Variants in KCNQ3 observed in about 807,000 individuals in gnomAD.
KCNQ3 encodes potassium voltage-gated channel subfamily KQT member 3.
Under a neutral mutation model 92.5 loss-of-function variants are expected in KCNQ3, and 30 were observed. That is an observed-to-expected ratio of 0.32 (90% CI 0.24 to 0.44). The LOEUF (loss-of-function observed/expected upper bound fraction) is 0.44. Ranked by LOEUF, KCNQ3 falls within the 20% of genes least tolerant of loss-of-function variation. The pLI is 1.00. For synonymous variants in KCNQ3, 450 were observed against 468.8 expected, an observed-to-expected ratio of 0.96 and a Z score of 0.52; for missense variants, 913 against 1,140.3, an observed-to-expected ratio of 0.80 and a Z score of 2.87.
At chr8:132,135,831 G>C (rs1260692346) in intron 12 of KCNQ3, among the ~76,000 whole-genome samples, 1 of 152,034 alleles carries the variant, frequency 6.6e-6, no homozygotes, top group African/African-American at 2.4e-5. Flanking sequence ...ATTCCAGTTA[G>C]GGATAAAGAA....
chr8:132,263,092 G>A (rs1815847368), intron 1 of KCNQ3, among the ~76,000 whole-genome samples: 1 of 151,960 alleles, frequency 6.6e-6, no homozygotes, highest in Non-Finnish European at 1.5e-5. Context: ...CTCTGTAACT[G>A]TCTCCCACTG....
chr8:132,224,855 GGAA>G (rs1814359109), intron 1 of KCNQ3, among the ~76,000 whole-genome samples: 1 of 152,110 alleles, frequency 6.6e-6, no homozygotes, highest in African/African-American at 2.4e-5. Flanking sequence ...TCAACTAATT[GGAA>G]GAAGAAGGGA....
intron 1 of KCNQ3, among the ~76,000 whole-genome samples, chr8:132,328,288 GACA>G (rs1223480627): frequency 6.6e-6 from 1 of 152,176 alleles, no homozygotes; most frequent in Non-Finnish European, 1.5e-5. Flanking sequence ...TGCTGCAGGG[GACA>G]ACAACACCCC....
chr8:132,387,993 G>GGAAGAA (rs969706153), intron 1 of KCNQ3, among the ~76,000 whole-genome samples: 3 of 111,134 alleles, frequency 2.7e-5, no homozygotes, highest in Non-Finnish European at 5.6e-5. Context: ...AAGAGGAAGA[G>GGAAGAA]GAAGAAGAAG....
At chr8:132,434,316 T>C (rs1241462513) in intron 1 of KCNQ3, among the ~76,000 whole-genome samples, 1 of 152,196 alleles carries the variant, frequency 6.6e-6, no homozygotes, top group East Asian at 1.9e-4. Context: ...CTCCTCTGTT[T>C]TTCTTTGTAG....
chr8:132,450,559 A>C (rs1331897360), intron 1 of KCNQ3, among the ~76,000 whole-genome samples: 1 of 152,186 alleles, frequency 6.6e-6, no homozygotes, highest in East Asian at 1.9e-4. Context: ...TGATTAAATC[A>C]ATTTTGCAAT....
At chr8:132,172,382 G>GCCTGGGCA (rs1826396490) in intron 7 of KCNQ3, among the ~76,000 whole-genome samples, 1 of 143,118 alleles carries the variant, frequency 7.0e-6, no homozygotes, top group Non-Finnish European at 1.6e-5. Context: ...GCCTGCTCCT[G>GCCTGGGCA]CCTGGGCACA....
At chr8:132,279,288 G>A (rs1586890303) in intron 1 of KCNQ3, among the ~76,000 whole-genome samples, 1 of 152,288 alleles carries the variant, frequency 6.6e-6, no homozygotes, top group East Asian at 1.9e-4. Flanking sequence ...TCTAGGGTGT[G>A]AACTAGGCTT....
intron 1 of KCNQ3, among the ~76,000 whole-genome samples, chr8:132,233,306 C>T (rs137946259): frequency 6.6e-5 from 10 of 152,292 alleles, no homozygotes; most frequent in African/African-American, 2.2e-4. Flanking sequence ...CTGTTAGATG[C>T]AAATCTTCTT....
chr8:132,181,688 C>T (rs1195105534), intron 3 of KCNQ3, among the ~76,000 whole-genome samples: 2 of 152,104 alleles, frequency 1.3e-5, no homozygotes, highest in East Asian at 1.9e-4. Flanking sequence ...CACACATCTC[C>T]ATATCTTTGT....
At chr8:132,349,117 G>A (rs941028795) in intron 1 of KCNQ3, among the ~76,000 whole-genome samples, 1 of 152,170 alleles carries the variant, frequency 6.6e-6, no homozygotes, top group Non-Finnish European at 1.5e-5. Flanking sequence ...TCCGCCCTGG[G>A]AGCTTGTCAC....
rs1824804707 is a variant in KCNQ3 at position 132,129,794 on chromosome 8, G to C, written c.2087C>G (p.Pro696Arg). 1.2e-6 allele frequency: 2 copies of C among 1,614,076 alleles called. No individual in the cohort carries two copies. Among genetic ancestry groups the C allele is most frequent in the Admixed American group, 3.3e-5 (2 of 59,998 alleles). The change falls in exon 15 of 15, where the codon CCC (proline) becomes CGC (arginine). Residue 696 changes from proline to arginine, a missense_variant. This residue lies in a region of KCNQ3 where 375 missense variants were observed against 376.4 expected (regional missense o/e 1.00). Transcript: ENST00000388996. The surrounding 1 kb of genome is among the most constrained non-coding windows in gnomAD (Gnocchi z 5.9). ...AATGGTCACCTGGTGGAAGCTGTAGGGTGGTTCCGGGGGGCCTGTCTCAGA... is the reference window on the plus strand; with the variant it reads ...AATGGTCACCTGGTGGAAGCTGTAGCGTGGTTCCGGGGGGCCTGTCTCAGA... ...NYSETGPPEPPYSFHQVTIDK... is the reference protein window; with the variant it reads ...NYSETGPPEPRYSFHQVTIDK...
intron 1 of KCNQ3, among the ~76,000 whole-genome samples, chr8:132,314,155 A>G (rs945969102): frequency 2.0e-5 from 3 of 152,242 alleles, no homozygotes; most frequent in Non-Finnish European, 4.4e-5. Flanking sequence ...AAGGCTGTGA[A>G]GTGGCTGGAT....
intron 1 of KCNQ3, among the ~76,000 whole-genome samples, chr8:132,274,704 C>T (rs1816269825): frequency 6.6e-6 from 1 of 152,168 alleles, no homozygotes; most frequent in Non-Finnish European, 1.5e-5. Flanking sequence ...GGAACATGAC[C>T]TTCAGTAGCA....
chr8:132,187,302 C>A (rs908274626), intron 1 of KCNQ3: 4 of 455,228 alleles, frequency 8.8e-6, no homozygotes, highest in South Asian at 4.7e-5. Context: ...TCTGTCCTCA[C>A]GAGCTCACAG....
intron 1 of KCNQ3, among the ~76,000 whole-genome samples, chr8:132,362,347 A>T (rs1175888000): frequency 2.0e-5 from 3 of 152,166 alleles, no homozygotes; most frequent in African/African-American, 7.2e-5. Context: ...AAATTCTTTA[A>T]TTCTTACTAT....
chr8:132,179,794 C>T (rs1392072539), intron 4 of KCNQ3, among the ~76,000 whole-genome samples: 1 of 152,106 alleles, frequency 6.6e-6, no homozygotes, highest in South Asian at 2.1e-4. Flanking sequence ...CTGCATGTGG[C>T]CTTGAATGAG....
chr8:132,348,363 T>A (rs556833145), intron 1 of KCNQ3, among the ~76,000 whole-genome samples: 9 of 152,238 alleles, frequency 5.9e-5, no homozygotes, highest in African/African-American at 1.9e-4. Context: ...TAGAGATAAT[T>A]TTTCATGGGT....
chr8:132,431,346 T>C (rs1365797129), intron 1 of KCNQ3, among the ~76,000 whole-genome samples: 1 of 152,118 alleles, frequency 6.6e-6, no homozygotes, highest in African/African-American at 2.4e-5. Context: ...TAAGAGTGAG[T>C]CTTTCAGTTC....
Sources: gnomAD v4.1 joint callset for allele counts (sites outside exome capture counted in the v4.1 genomes callset) on GRCh38, gnomAD v4.1.1 for gene constraint, gnomAD v4.1.1 regional missense constraint, Gnocchi (gnomAD v3.1) non-coding constraint, MANE v1.5 for transcripts, NCBI Gene and HGNC (gene_info 2026-07-23, HGNC 2026-07-21) for gene names.